SSX5: variants seen among roughly 807,000 people sequenced by gnomAD.
SSX5 encodes SSX family member 5, also known as protein SSX5.
A neutral mutation model predicts 14.9 loss-of-function variants in SSX5; 14 were observed. The ratio of observed to expected loss-of-function variants is 0.94; its 90% CI spans 0.62 to 1.47. The LOEUF is 1.47. Among genes scored for constraint, SSX5 ranks in the 40% most tolerant of loss-of-function variants. SSX5 has a pLI of 0.00. For synonymous variants in SSX5, 70 were observed against 55.4 expected (o/e 1.26, Z -1.17); for missense variants, 204 against 154.6 (o/e 1.32, Z -1.70).
chrX:48,196,626 G>A (rs1267899817), intron 1 of SSX5, 105 bp downstream of exon 1: 1 of 110,810 alleles, frequency 9.0e-6, no homozygotes, highest in Non-Finnish European at 1.9e-5. Flanking sequence ...GATTTGAGAT[G>A]GCGACCTGCC....
At chrX:48,194,699 C>T (rs782753825) in intron 3 of SSX5, 41 bp downstream of exon 3, 4 of 1,143,767 alleles carry the variant, frequency 3.5e-6, no homozygotes, top group African/African-American at 1.8e-5. Context: ...AAGGGATGCT[C>T]ATGTATCCCC....
chrX:48,191,535 C>G (rs1248122423), intron 5 of SSX5, among the ~76,000 whole-genome samples: 5 of 110,462 alleles, frequency 4.5e-5, no homozygotes, highest in Admixed American at 9.6e-5. Context: ...GAGGGGCCAA[C>G]AGTCAAAGCG....
rs147622697 is a variant in SSX5 at position 48,190,196 on chromosome X, T to C, written c.403A>G (p.Asn135Asp). 452 of 1,208,516 alleles carry C rather than the reference T, an allele frequency of 3.7e-4. No individual in the cohort carries two copies. In the African/African-American group the frequency reaches 6.9e-3, roughly 18 times the overall value. Residue 135 changes from asparagine to aspartate, a missense_variant, in exon 6 of 8, where the codon AAT becomes GAT. Coordinates refer to ENST00000347757, the MANE Select transcript of SSX5 (RefSeq NM_175723.2). ...GVPEASGPQN[N>D]GKQLRPSGKL... ...CCTGAGGGGCGCAGCTGTTTCCCAT[T>C]GTTCTGTGGGCCAGATGCTTCTGGC...
chrX:48,193,642 T>G (rs1211801528), intron 4 of SSX5, among the ~76,000 whole-genome samples: 4 of 110,847 alleles, frequency 3.6e-5, no homozygotes, highest in African/African-American at 1.3e-4. Context: ...CCAGCTACTC[T>G]GGAGGCTGAG....
intron 4 of SSX5, 27 bp downstream of exon 4, chrX:48,194,102 C>T (rs782721583): frequency 2.2e-5 from 26 of 1,202,471 alleles, no homozygotes; most frequent in Admixed American, 4.4e-5. Flanking sequence ...TGAGGAGACC[C>T]TTTCCAGCCC....
intron 2 of SSX5, 131 bp downstream of exon 2, chrX:48,195,159 C>T (rs781868079): frequency 2.5e-6 from 3 of 1,211,337 alleles, no homozygotes; most frequent in Non-Finnish European, 3.4e-6. Context: ...GAGTGAGAGG[C>T]TCCCAAGGTT....
intron 4 of SSX5, 196 bp from the exon 5 acceptor site, chrX:48,192,477 A>G: frequency 1.6e-6 from 1 of 613,937 alleles, no homozygotes; most frequent in Non-Finnish European, 2.6e-6. Flanking sequence ...AGAATTTTCC[A>G]TCTCATGGTT....
chrX:48,186,895 G>C (rs58213034), intron 7 of SSX5, 39 bp from the exon 8 acceptor site: 2 of 1,192,519 alleles, frequency 1.7e-6, no homozygotes, highest in East Asian at 5.9e-5. Flanking sequence ...GTGGCAGTGA[G>C]TTCCCACCAC....
At position 48,195,290 on chromosome X, in the gene SSX5, C is replaced by T; in HGVS notation, c.69G>A (p.Lys23=). ...CTATGCCCCCTGCAGGTCACCTCAC[C>T]TTTTGCATCTTCTCTGGTATTTGAG... ...VGSQIPEKMQ[K]AFDDIAKYFS... is the part of the protein sequence containing the mutation. Residue 23 remains lysine, a splice_region_variant and synonymous_variant, in exon 2 of 8, where the codon AAG becomes AAA. Coordinates refer to ENST00000347757, the MANE Select transcript of SSX5 (RefSeq NM_175723.2). The T allele has an allele frequency of 1.7e-6, 2 of 1,211,382 alleles. No individual in the cohort carries two copies. Among genetic ancestry groups the T allele is most frequent in the Non-Finnish European group, 2.2e-6 (2 of 895,236 alleles).
intron 6 of SSX5, among the ~76,000 whole-genome samples, chrX:48,188,410 G>A (rs781786468): frequency 8.9e-5 from 10 of 111,899 alleles, no homozygotes; most frequent in African/African-American, 2.6e-4. Flanking sequence ...CACTCTTTTA[G>A]TTTTCATACT....
chrX:48,195,327 G>T lies in SSX5; in HGVS notation c.32C>A (p.Pro11His). The T allele has an allele frequency of 8.3e-7, 1 of 1,211,679 alleles. No individual in the cohort carries two copies. The highest frequency in any genetic ancestry group is 1.1e-6 in the Non-Finnish European group (1 of 895,494). MNGDDAFVRR[P>H]RVGSQIPEKM... ...CTCTGGTATTTGAGAACCAACCCTA[G>T]GTCTCCGTACAAAGGCATCGTCTCC... is the stretch of plus-strand genomic sequence containing the variant. Residue 11 changes from proline to histidine, a missense_variant, in exon 2 of 8, where the codon CCT (proline) becomes CAT (histidine). Pro to His is a moderately conservative substitution (Grantham distance 77). Coordinates refer to ENST00000347757, the MANE Select transcript of SSX5 (RefSeq NM_175723.2).
intron 5 of SSX5, among the ~76,000 whole-genome samples, chrX:48,191,819 T>C (rs781925731): frequency 1.2e-4 from 13 of 112,246 alleles, no homozygotes; most frequent in Non-Finnish European, 1.5e-4. Context: ...TGCTGATAAC[T>C]ATGATCTAAA....
Position 48,192,260 on chromosome X carries a change from A to C in SSX5, c.302T>G (p.Phe101Cys). 1 of 1,211,688 alleles carries C rather than the reference A, an allele frequency of 8.3e-7. No individual in the cohort carries two copies. Among genetic ancestry groups the C allele is most frequent in the Non-Finnish European group, 1.1e-6 (1 of 895,337 alleles). The change falls in exon 5 of 8, where the codon TTC (phenylalanine) becomes TGC (cysteine). Residue 101 changes from phenylalanine to cysteine, a missense_variant. Phe to Cys is a radical substitution (Grantham distance 205). Coordinates refer to ENST00000347757, the MANE Select transcript of SSX5 (RefSeq NM_175723.2). ...GNQVEHPQMT[F>C]GRLQGIFPKI... ...CGGGAAGATTCCCTGGAGCCTGCCG[A>C]AAGTCATCTGAGGATGTTCAACTGA...
chrX:48,190,670 G>A (rs1173280921), intron 5 of SSX5, among the ~76,000 whole-genome samples: 1 of 111,616 alleles, frequency 9.0e-6, no homozygotes, highest in Non-Finnish European at 1.9e-5. Context: ...GAGAGTAAAT[G>A]TAAAGACATA....
chrX:48,193,946 T>C (rs1297153305), intron 4 of SSX5, among the ~76,000 whole-genome samples, 183 bp downstream of exon 4: 2 of 109,822 alleles, frequency 1.8e-5, no homozygotes, highest in African/African-American at 6.6e-5. Flanking sequence ...TATTCTTGTT[T>C]TGCATGTTTT....
chrX:48,196,254 T>C (rs1428396240), intron 1 of SSX5, among the ~76,000 whole-genome samples: 2 of 110,771 alleles, frequency 1.8e-5, no homozygotes, highest in African/African-American at 3.3e-5. Context: ...GCGAAACAAT[T>C]TCTACTAAAA....
chrX:48,195,289 C>T lies in SSX5; in HGVS notation c.69+1G>A, dbSNP rs2059436564. 2 of 1,209,500 alleles carry T rather than the reference C, an allele frequency of 1.7e-6. No homozygotes were observed. The highest frequency in any genetic ancestry group is 2.2e-5 in the Admixed American group (1 of 45,634). ...ACTATGCCCCCTGCAGGTCACCTCA[C>T]CTTTTGCATCTTCTCTGGTATTTGA... On this transcript the variant is annotated splice_donor_variant, in intron 2 of 7. Coordinates refer to ENST00000347757, the MANE Select transcript of SSX5 (RefSeq NM_175723.2). LOFTEE classifies it high-confidence loss of function.
chrX:48,196,481 T>A (rs1465436511), intron 1 of SSX5, among the ~76,000 whole-genome samples: 4 of 106,815 alleles, frequency 3.7e-5, no homozygotes, highest in Admixed American at 2.0e-4. Flanking sequence ...TAGGTTCAAG[T>A]GATCCACCAG....
chrX:48,192,123 A>T, intron 5 of SSX5, 109 bp downstream of exon 5: 1 of 1,132,466 alleles, frequency 8.8e-7, no homozygotes, highest in South Asian at 1.8e-5. Flanking sequence ...TGATAGACAT[A>T]GGGAGAAGAA....
Sources: allele counts gnomAD v4.1 joint callset (sites outside exome capture counted in the v4.1 genomes callset), GRCh38; gene constraint gnomAD v4.1.1; transcripts MANE v1.5; gene names NCBI Gene and HGNC (gene_info 2026-07-23, HGNC 2026-07-21).